Variants in SMIM14 observed in about 807,000 individuals in gnomAD.
The protein encoded by SMIM14 is chromosome 4 open reading frame 34.
In SMIM14, 5 loss-of-function variants were observed where a neutral mutation model predicts 12.6. The ratio of observed to expected loss-of-function variants is 0.40; its 90% CI spans 0.21 to 0.83. The LOEUF is 0.83. SMIM14 is among the 40% of genes least tolerant of loss of function. The pLI, the probability that SMIM14 is intolerant of heterozygous loss-of-function variation, is 0.37. For missense variants in SMIM14, 86 were observed against 119.1 expected (o/e 0.72, Z 1.29); for synonymous variants, 30 against 40.1 (o/e 0.75, Z 0.95).
At chr4:39,607,009 A>C (rs1391389983) in intron 1 of SMIM14, among the ~76,000 whole-genome samples, 1 of 152,224 alleles carries the variant, frequency 6.6e-6, no homozygotes, top group African/African-American at 2.4e-5. Context: ...GTAGCTATCA[A>C]AAATGAAATA....
intron 1 of SMIM14, among the ~76,000 whole-genome samples, chr4:39,635,485 G>A (rs1029840147): frequency 2.0e-5 from 3 of 152,166 alleles, no homozygotes; most frequent in Admixed American, 6.6e-5. Context: ...GAAGCAGGGA[G>A]ACCAGGAGTT....
At chr4:39,614,185 CAAA>C (rs60332502) in intron 1 of SMIM14, among the ~76,000 whole-genome samples, 409 of 102,276 alleles carry the variant, frequency 4.0e-3, no homozygotes, top group Admixed American at 7.4e-3. Context: ...AACTCCATTA[CAAA>C]AAAAAAAAAA....
intron 2 of SMIM14, among the ~76,000 whole-genome samples, chr4:39,598,955 G>A (rs987269524): frequency 4.0e-5 from 6 of 151,720 alleles, no homozygotes; most frequent in Non-Finnish European, 5.9e-5. Flanking sequence ...TTTGTTTCTC[G>A]TATGTGCTAG....
intron 1 of SMIM14, among the ~76,000 whole-genome samples, chr4:39,634,363 T>C (rs933076795): frequency 1.3e-5 from 2 of 152,152 alleles, no homozygotes; most frequent in African/African-American, 4.8e-5. Flanking sequence ...TGGCCTCTCT[T>C]AAAGTACTGA....
chr4:39,624,016 G>A lies in SMIM14; in HGVS notation c.-36+14723C>T, dbSNP rs183406134. On this transcript the variant is annotated intron_variant, in intron 1 of 4. Coordinates refer to ENST00000295958, the MANE Select transcript of SMIM14 (RefSeq NM_174921.3). Reference sequence around the variant, plus strand: ...TAGTTTTTACATAACAGAAAACAGAGATACTGGTCAATGAAATGGGAGGCC... The same window carrying A: ...TAGTTTTTACATAACAGAAAACAGAAATACTGGTCAATGAAATGGGAGGCC... Among the ~76,000 whole-genome samples the A allele has an allele frequency of 9.5e-4, 145 of 152,288 alleles. 1 individual carries two copies. The highest frequency in any genetic ancestry group is 3.5e-3 in the African/African-American group (144 of 41,558).
rs1405438063 is a variant in SMIM14, at chr4:39,546,460, A to C, written c.*5666T>G. The C allele has an allele frequency of 6.6e-6, 1 of 152,250 alleles. No individual in the cohort carries two copies. The highest frequency in any genetic ancestry group is 1.5e-5 in the Non-Finnish European group (1 of 68,048). The allele number at this position is 152,250 out of a possible 1,614,324, so 9.4% of individuals were successfully genotyped here. A position where few individuals can be genotyped will look rare whatever the true frequency, so the allele number is the denominator to read the frequency against. ...GGTAACTCCAATTTTTAAAAATATG[A>C]TCATGAAAGATAATTGTAGTTGGTG... On this transcript the variant is annotated 3_prime_UTR_variant, in exon 5 of 5. Transcript: ENST00000295958.
chr4:39,583,804 A>C (rs1227197151), intron 2 of SMIM14: 1 of 152,188 alleles, frequency 6.6e-6, no homozygotes, highest in Non-Finnish European at 1.5e-5. Flanking sequence ...TCAGTCACAA[A>C]CTGATGCCTC....
intron 3 of SMIM14, among the ~76,000 whole-genome samples, chr4:39,571,658 A>G (rs533582319): frequency 2.6e-5 from 4 of 152,282 alleles, no homozygotes; most frequent in Non-Finnish European, 5.9e-5. Flanking sequence ...TGTTAGGGAG[A>G]GAGTGAATGG....
intron 2 of SMIM14, among the ~76,000 whole-genome samples, chr4:39,597,715 C>T (rs772128482): frequency 8.5e-5 from 13 of 152,200 alleles, no homozygotes; most frequent in African/African-American, 2.2e-4. Context: ...CATTTATAAC[C>T]GTAATGTTCA....
chr4:39,566,454 C>T (rs535273827), intron 3 of SMIM14, among the ~76,000 whole-genome samples: 1 of 152,018 alleles, frequency 6.6e-6, no homozygotes, highest in African/African-American at 2.4e-5. Flanking sequence ...GGAAATAATC[C>T]AGGGGCTAAG....
intron 2 of SMIM14, among the ~76,000 whole-genome samples, chr4:39,588,239 A>T (rs1578336575): frequency 1.3e-5 from 2 of 152,196 alleles, no homozygotes; most frequent in East Asian, 3.9e-4. Context: ...TAATAATGGG[A>T]ACAATACACA....
At chr4:39,570,151 T>C (rs1171314142) in intron 3 of SMIM14, among the ~76,000 whole-genome samples, 1 of 152,134 alleles carries the variant, frequency 6.6e-6, no homozygotes, top group African/African-American at 2.4e-5. Flanking sequence ...CTTGTTCATC[T>C]ATCTTTTTTT....
chr4:39,597,645 TGTTG>T (rs1714428296), intron 2 of SMIM14, among the ~76,000 whole-genome samples: 1 of 152,154 alleles, frequency 6.6e-6, no homozygotes, highest in African/African-American at 2.4e-5. Flanking sequence ...GGTTTCACCA[TGTTG>T]GCCAGACTGT....
intron 2 of SMIM14, among the ~76,000 whole-genome samples, chr4:39,598,948 G>A (rs1714487751): frequency 6.6e-6 from 1 of 151,720 alleles, no homozygotes; most frequent in African/African-American, 2.4e-5. Flanking sequence ...AAGGTACTTT[G>A]TTTCTCGTAT....
At chr4:39,600,600 G>A (rs1435012121) in intron 2 of SMIM14, among the ~76,000 whole-genome samples, 1 of 152,170 alleles carries the variant, frequency 6.6e-6, no homozygotes, top group East Asian at 1.9e-4. Context: ...TGAGGCAGGA[G>A]AATCGCTTGA....
rs566539066 is a variant in SMIM14, at chr4:39,576,197, T to C, written c.76-3734A>G. On this transcript the variant is annotated intron_variant, in intron 2 of 4. Transcript: ENST00000295958. ...GGCGTGAGTCACCATGCTTGGTCTT[T>C]TTTTTTTTTCTTTCTTTTTATATAA... is the stretch of plus-strand genomic sequence containing the variant. 5.9e-5 allele frequency among the ~76,000 whole-genome samples: 9 copies of C among 151,848 alleles called. No homozygotes were observed. In the South Asian group the frequency reaches 1.7e-3, roughly 28 times the overall value.
At chr4:39,619,858 ATT>A (rs374841335) in intron 1 of SMIM14, among the ~76,000 whole-genome samples, 9,280 of 68,474 alleles carry the variant, frequency 0.14, 650 homozygotes, top group East Asian at 0.41. Context: ...ATTTATATAT[ATT>A]TATATATATA....
intron 1 of SMIM14, among the ~76,000 whole-genome samples, chr4:39,627,623 T>A (rs1715748748): frequency 6.6e-6 from 1 of 152,226 alleles, no homozygotes; most frequent in African/African-American, 2.4e-5. Context: ...GACCAAAGTA[T>A]CTTTAACCCT....
At chr4:39,562,282 T>C (rs1245670190) in intron 3 of SMIM14, among the ~76,000 whole-genome samples, 1 of 151,698 alleles carries the variant, frequency 6.6e-6, no homozygotes, top group Non-Finnish European at 1.5e-5. Context: ...GAGGCTGAGG[T>C]GGGAGGATCA....
Sources: gnomAD v4.1 joint callset for allele counts (sites outside exome capture counted in the v4.1 genomes callset) on GRCh38, gnomAD v4.1.1 for gene constraint, MANE v1.5 for transcripts, NCBI Gene and HGNC (gene_info 2026-07-23, HGNC 2026-07-21) for gene names.